The following LUZP2 variants were observed in gnomAD, a reference collection of about 807,000 sequenced individuals.
The protein encoded by LUZP2 is leucine zipper protein 2.
LUZP2 carries 52 observed loss-of-function variants against 51.6 expected under a neutral mutation model. The ratio of observed to expected loss-of-function variants is 1.01; its 90% CI spans 0.81 to 1.27. LUZP2 has a LOEUF of 1.27. LUZP2 is among the 50% of genes most tolerant of loss of function. LUZP2 has a pLI of 0.00. For synonymous variants in LUZP2, 154 were observed against 137.3 expected, an observed-to-expected ratio of 1.12 and a Z score of -0.85; for missense variants, 436 against 395.4, an observed-to-expected ratio of 1.10 and a Z score of -0.87.
intron 6 of LUZP2, among the ~76,000 whole-genome samples, chr11:24,914,039 AT>A (rs990689636): frequency 1.3e-5 from 2 of 152,130 alleles, no homozygotes; most frequent in African/African-American, 4.8e-5. Context: ...CTTGCTTCCG[AT>A]CACATTTGCT....
At chr11:24,520,762 T>A (rs1850615079) in intron 1 of LUZP2, among the ~76,000 whole-genome samples, 1 of 152,128 alleles carries the variant, frequency 6.6e-6, no homozygotes, top group African/African-American at 2.4e-5. Context: ...AGTGAAACAG[T>A]AGAAACTTAT....
intron 1 of LUZP2, among the ~76,000 whole-genome samples, chr11:24,584,726 C>T (rs1386576097): frequency 6.6e-6 from 1 of 152,130 alleles, no homozygotes; most frequent in Non-Finnish European, 1.5e-5. Flanking sequence ...TACCCTCCAG[C>T]CTGCAATTAC....
chr11:24,734,637 C>T (rs1858857517), intron 3 of LUZP2, among the ~76,000 whole-genome samples: 1 of 151,796 alleles, frequency 6.6e-6, no homozygotes. Context: ...AGATGTGATG[C>T]ATTCGTTTTT....
chr11:25,047,144 G>A (rs1858337426), intron 9 of LUZP2, among the ~76,000 whole-genome samples: 1 of 152,014 alleles, frequency 6.6e-6, no homozygotes, highest in African/African-American at 2.4e-5. Flanking sequence ...TGCAGCTGTG[G>A]TTCTGGCTGT....
At chr11:24,636,919 T>C (rs1855124984) in intron 1 of LUZP2, among the ~76,000 whole-genome samples, 1 of 149,920 alleles carries the variant, frequency 6.7e-6, no homozygotes, top group Non-Finnish European at 1.5e-5. Context: ...AATTTTTGCT[T>C]ATAAAAAAAG....
intron 10 of LUZP2, among the ~76,000 whole-genome samples, chr11:25,050,978 C>T (rs12293034): frequency 7.2e-5 from 11 of 152,246 alleles, no homozygotes; most frequent in African/African-American, 2.4e-4. Flanking sequence ...GCTAATGGAT[C>T]TATTACATTT....
At chr11:24,633,093 G>A (rs1442709498) in intron 1 of LUZP2, among the ~76,000 whole-genome samples, 1 of 151,936 alleles carries the variant, frequency 6.6e-6, no homozygotes, top group African/African-American at 2.4e-5. Flanking sequence ...TTTCTAGTCT[G>A]GGAGATTTTC....
chr11:24,522,396 C>A (rs1161176840), intron 1 of LUZP2, among the ~76,000 whole-genome samples: 1 of 151,192 alleles, frequency 6.6e-6, no homozygotes, highest in Non-Finnish European at 1.5e-5. Flanking sequence ...AAATCTGTTT[C>A]ATTCATCTAA....
chr11:25,053,694 C>T (rs1357720311), intron 10 of LUZP2, among the ~76,000 whole-genome samples: 1 of 151,988 alleles, frequency 6.6e-6, no homozygotes, highest in Non-Finnish European at 1.5e-5. Flanking sequence ...ATCCATTCAC[C>T]AATTGCTGTC....
chr11:24,630,638 G>A (rs1854848605), intron 1 of LUZP2, among the ~76,000 whole-genome samples: 1 of 139,812 alleles, frequency 7.2e-6, no homozygotes, highest in Admixed American at 7.1e-5. Flanking sequence ...CTCCAGCTTT[G>A]TTCTCTTTCC....
intron 1 of LUZP2, among the ~76,000 whole-genome samples, chr11:24,642,666 A>T (rs970784594): frequency 6.6e-6 from 1 of 151,782 alleles, no homozygotes; most frequent in African/African-American, 2.4e-5. Flanking sequence ...TCTTAAAGAG[A>T]GTGTAAGGAA....
At chr11:24,764,489 C>CAAA (rs1565124723) in intron 5 of LUZP2, among the ~76,000 whole-genome samples, 4 of 56,418 alleles carry the variant, frequency 7.1e-5, no homozygotes. Flanking sequence ...AATCTCATCT[C>CAAA]TAAAAAAAAA....
chr11:24,798,683 G>A (rs1849612885), intron 5 of LUZP2, among the ~76,000 whole-genome samples: 1 of 152,106 alleles, frequency 6.6e-6, no homozygotes, highest in Non-Finnish European at 1.5e-5. Context: ...GGGAGACTAG[G>A]ACTGTCTATC....
At chr11:25,045,079 G>T in intron 9 of LUZP2, among the ~76,000 whole-genome samples, 1 of 114,082 alleles carries the variant, frequency 8.8e-6, no homozygotes. Context: ...GGAGGGGAGG[G>T]GTAGCATTAG....
At chr11:24,655,026 T>C (rs2133970423) in intron 1 of LUZP2, among the ~76,000 whole-genome samples, 1 of 152,334 alleles carries the variant, frequency 6.6e-6, no homozygotes, top group Non-Finnish European at 1.5e-5. Flanking sequence ...GTACATAATC[T>C]TATTGCATTG....
chr11:24,906,386 T>G (rs980400209), intron 6 of LUZP2, among the ~76,000 whole-genome samples: 12 of 151,988 alleles, frequency 7.9e-5, no homozygotes, highest in African/African-American at 2.7e-4. Context: ...TTCCCCTCTC[T>G]TGTACTTTCT....
At chr11:24,603,076 C>T (rs1302559923) in intron 1 of LUZP2, among the ~76,000 whole-genome samples, 6 of 151,832 alleles carry the variant, frequency 4.0e-5, no homozygotes, top group South Asian at 2.1e-4. Flanking sequence ...AGCTTCTATA[C>T]GGCTATGGCA....
At chr11:24,946,588 G>T (rs1854908173) in intron 7 of LUZP2, among the ~76,000 whole-genome samples, 1 of 151,740 alleles carries the variant, frequency 6.6e-6, no homozygotes, top group African/African-American at 2.4e-5. Flanking sequence ...TTCTAGTGAA[G>T]AATAGAAATC....
At chr11:24,663,677 C>G (rs1442625467) in intron 1 of LUZP2, among the ~76,000 whole-genome samples, 1 of 152,128 alleles carries the variant, frequency 6.6e-6, no homozygotes, top group African/African-American at 2.4e-5. Context: ...CCATCCAAAT[C>G]TCAACTTAAA....
Sources: allele counts gnomAD v4.1 joint callset (sites outside exome capture counted in the v4.1 genomes callset), GRCh38; gene constraint gnomAD v4.1.1; transcripts MANE v1.5; gene names NCBI Gene and HGNC (gene_info 2026-07-23, HGNC 2026-07-21).